TRPC6: variants seen among roughly 807,000 people sequenced by gnomAD.
TRPC6 encodes short transient receptor potential channel 6.
In TRPC6, 55 loss-of-function variants were observed where a neutral mutation model predicts 90.7. The observed-to-expected ratio is 0.61, with a 90% CI of 0.49 to 0.76. The LOEUF (loss-of-function observed/expected upper bound fraction) is 0.76. TRPC6 is among the 30% of genes least tolerant of loss of function. TRPC6 has a pLI of 0.00. For missense variants in TRPC6, 989 were observed against 1,122.7 expected (o/e 0.88, Z 1.70); for synonymous variants, 393 against 393.0 (o/e 1.00, Z 0.00).
intron 10 of TRPC6, chr11:101,455,393 C>T: frequency 6.4e-6 from 2 of 310,676 alleles, no homozygotes; most frequent in Non-Finnish European, 1.2e-5. Context: ...CAGATGAATG[C>T]ATGGTAGAGA....
At chr11:101,470,567 AT>A (rs1859263632) in intron 9 of TRPC6, among the ~76,000 whole-genome samples, 1 of 152,152 alleles carries the variant, frequency 6.6e-6, no homozygotes, top group Non-Finnish European at 1.5e-5. Context: ...CAAATTCCAC[AT>A]GTTCTCTAAA....
intron 10 of TRPC6, 41 bp downstream of exon 10, chr11:101,469,386 C>T (rs376686873): frequency 2.0e-5 from 15 of 741,934 alleles, no homozygotes; most frequent in South Asian, 8.5e-5. Flanking sequence ...AAGATAAGCC[C>T]GATCATGTGC....
chr11:101,480,100 C>T (rs1033906192), intron 5 of TRPC6, among the ~76,000 whole-genome samples: 9 of 152,088 alleles, frequency 5.9e-5, no homozygotes, highest in African/African-American at 2.2e-4. Flanking sequence ...ATTGCTTGAA[C>T]CCGGGAGGTG....
At chr11:101,548,793 T>C (rs1421800330) in intron 1 of TRPC6, among the ~76,000 whole-genome samples, 3 of 151,982 alleles carry the variant, frequency 2.0e-5, no homozygotes, top group African/African-American at 7.2e-5. Flanking sequence ...TTTGCTAAAA[T>C]GCAAGATTTT....
At chr11:101,502,540 CAG>C (rs1437915066) in intron 2 of TRPC6, among the ~76,000 whole-genome samples, 3 of 152,126 alleles carry the variant, frequency 2.0e-5, no homozygotes, top group African/African-American at 7.2e-5. Flanking sequence ...GTAAAGGAAA[CAG>C]AAATGTTGAA....
chr11:101,459,723 A>C (rs1392554117), intron 10 of TRPC6, among the ~76,000 whole-genome samples: 2 of 152,144 alleles, frequency 1.3e-5, no homozygotes, highest in African/African-American at 4.8e-5. Flanking sequence ...CCAGTGACTT[A>C]TTATACATCC....
At chr11:101,563,876 T>C (rs994359314) in intron 1 of TRPC6, among the ~76,000 whole-genome samples, 1 of 152,184 alleles carries the variant, frequency 6.6e-6, no homozygotes, top group African/African-American at 2.4e-5. Flanking sequence ...GTATTTTCCT[T>C]CTTTGTTCCA....
chr11:101,466,179 A>G (rs1174872953), intron 10 of TRPC6, among the ~76,000 whole-genome samples: 2 of 152,126 alleles, frequency 1.3e-5, no homozygotes, highest in Non-Finnish European at 2.9e-5. Flanking sequence ...CAGGATACAC[A>G]GGGGTCAGGG....
Position 101,473,553 on chromosome 11 carries a change from G to C in TRPC6, c.1965C>G (p.Leu655=). 6.2e-7 allele frequency: 1 copy of C among 1,613,496 alleles called. No individual in the cohort carries two copies. Among genetic ancestry groups the C allele is most frequent in the Non-Finnish European group, 8.5e-7 (1 of 1,179,638 alleles). The change falls in exon 7 of 13, where the codon CTC becomes CTG. Residue 655 remains leucine (L), a synonymous_variant. Coordinates refer to ENST00000344327, the MANE Select transcript of TRPC6 (RefSeq NM_004621.6). The part of the protein sequence containing the change: ...FVAFMIGMFN[L]YSYYIGAKQN... The stretch of plus-strand genomic sequence containing the variant: ...GTTTTGCACCAATGTAGTAGGAGTA[G>C]AGATTGAACATTCCAATCATAAAGG...
chr11:101,520,444 C>T (rs913064414), intron 1 of TRPC6, among the ~76,000 whole-genome samples: 3 of 152,058 alleles, frequency 2.0e-5, no homozygotes, highest in Non-Finnish European at 4.4e-5. Flanking sequence ...AAATTGGTAA[C>T]AGAGAAGTAC....
At position 101,504,189 on chromosome 11, in the gene TRPC6, C is replaced by T. The variant is rs1472170414; in HGVS notation, c.780G>A (p.Gln260=). The T allele has an allele frequency of 3.7e-6, 6 of 1,614,160 alleles. No homozygotes were observed. The South Asian group carries it at 6.6e-5, about 18-fold the overall frequency. Residue 260 remains glutamine (Q), a synonymous_variant, in exon 2 of 13, where the codon CAG becomes CAA. Transcript: ENST00000344327. ...GGCTAAACGAGTCATGCTTCTGTTT[C>T]TGGTTGCAGTCATTGCACTTGCAGA... is the stretch of plus-strand genomic sequence containing the variant. ...DYFCKCNDCN[Q]KQKHDSFSHS... is the part of the protein sequence containing the mutation.
chr11:101,549,019 T>G (rs115059073), intron 1 of TRPC6, among the ~76,000 whole-genome samples: 36,713 of 151,540 alleles, frequency 0.24, 4,711 homozygotes, highest in East Asian at 0.4. Context: ...ATCCTTCTGT[T>G]TTTTTTTGAT....
chr11:101,554,666 C>A (rs920066808), intron 1 of TRPC6, among the ~76,000 whole-genome samples: 1 of 152,046 alleles, frequency 6.6e-6, no homozygotes, highest in African/African-American at 2.4e-5. Context: ...TCTTTCCCTG[C>A]ATCACCCAAA....
rs780701559 is a variant in TRPC6 at position 101,472,221 on chromosome 11, A to G, written c.2121T>C (p.Leu707=). The G allele has an allele frequency of 3.1e-6, 5 of 1,613,340 alleles. No individual in the cohort carries two copies. The highest frequency in any genetic ancestry group is 1.7e-5 in the Admixed American group (1 of 60,006). ...CCATCGTAACATTATAGACTCCATA[A>G]AGAACGTAACCAATGTTTTCAATGA... is the stretch of plus-strand genomic sequence containing the variant. ...HKFIENIGYV[L]YGVYNVTMVI... is the part of the protein sequence containing the mutation. The change falls in exon 8 of 13, where the codon CTT becomes CTC. Residue 707 remains leucine (L), a synonymous_variant. Coordinates refer to ENST00000344327, the MANE Select transcript of TRPC6 (RefSeq NM_004621.6).
At chr11:101,518,840 A>G (rs180957151) in intron 1 of TRPC6, among the ~76,000 whole-genome samples, 1 of 152,348 alleles carries the variant, frequency 6.6e-6, no homozygotes, top group African/African-American at 2.4e-5. Context: ...CTTATACGCA[A>G]TGGAGGACTA....
At chr11:101,474,327 C>T (rs1213280869) in intron 6 of TRPC6, among the ~76,000 whole-genome samples, 2 of 152,094 alleles carry the variant, frequency 1.3e-5, no homozygotes, top group Non-Finnish European at 2.9e-5. Flanking sequence ...TTATTGGTCA[C>T]TCAAACAAGT....
chr11:101,542,331 C>T (rs1399940892), intron 1 of TRPC6, among the ~76,000 whole-genome samples: 1 of 152,112 alleles, frequency 6.6e-6, no homozygotes, highest in Non-Finnish European at 1.5e-5. Flanking sequence ...TGTACATTGG[C>T]CACTGTATTC....
chr11:101,576,689 A>G (rs1368754569), intron 1 of TRPC6, among the ~76,000 whole-genome samples: 4 of 152,190 alleles, frequency 2.6e-5, no homozygotes, highest in Admixed American at 2.6e-4. Context: ...AAAGAGGGAG[A>G]AAAATAAGAA....
At position 101,558,453 on chromosome 11, in the gene TRPC6, GCACACATACA is replaced by G. The variant is rs1190196154; in HGVS notation, c.170+24871_170+24880del. On this transcript the variant is annotated intron_variant, in intron 1 of 12. Transcript: ENST00000344327. ...TACATATATACATATATATACACAC[GCACACATACA>G]CACACACACACACACACACACACAC... 1.0e-3 allele frequency among the ~76,000 whole-genome samples: 26 copies of G among 24,890 alleles called. 1 individual carries two copies. The highest frequency in any genetic ancestry group is 1.7e-3 in the African/African-American group (12 of 7,168). 16.3% of individuals were successfully genotyped at this position (24,890 alleles called of 152,430 possible).
Sources: gnomAD v4.1 joint callset for allele counts (sites outside exome capture counted in the v4.1 genomes callset) on GRCh38, gnomAD v4.1.1 for gene constraint, MANE v1.5 for transcripts, NCBI Gene and HGNC (gene_info 2026-07-23, HGNC 2026-07-21) for gene names.